The following CACNA1E variants were observed in gnomAD, a reference collection of about 807,000 sequenced individuals.
The protein encoded by CACNA1E is calcium voltage-gated channel subunit alpha1 E.
A neutral mutation model predicts 259.2 loss-of-function variants in CACNA1E; 40 were observed. The ratio of observed to expected loss-of-function variants is 0.15; its 90% CI spans 0.12 to 0.20. The LOEUF (loss-of-function observed/expected upper bound fraction) is 0.20. Ranked by LOEUF, CACNA1E falls within the 10% of genes least tolerant of loss-of-function variation. The pLI is 1.00. For missense variants in CACNA1E, 1,874 were observed against 3,040.1 expected, an observed-to-expected ratio of 0.62 and a Z score of 9.02; for synonymous variants, 1,104 against 1,138.5, an observed-to-expected ratio of 0.97 and a Z score of 0.61.
At chr1:181,475,219 T>C (rs1194173570) in intron 2 of CACNA1E, among the ~76,000 whole-genome samples, 3 of 152,222 alleles carry the variant, frequency 2.0e-5, no homozygotes, top group South Asian at 4.1e-4. Flanking sequence ...GCAGGCACTC[T>C]AGGTAAAAGA....
intron 7 of CACNA1E, among the ~76,000 whole-genome samples, chr1:181,657,477 G>A (rs938609248): frequency 1.3e-5 from 2 of 152,162 alleles, no homozygotes; most frequent in Non-Finnish European, 1.5e-5. Flanking sequence ...AAATTCAGGG[G>A]TTAGGAGAGG....
At chr1:181,657,953 C>G (rs1314923689) in intron 7 of CACNA1E, among the ~76,000 whole-genome samples, 1 of 152,224 alleles carries the variant, frequency 6.6e-6, no homozygotes, top group Admixed American at 6.5e-5. Context: ...CCAATGTGCA[C>G]CTTCCATAAC....
chr1:181,757,743 G>C (rs1658210937), intron 30 of CACNA1E, among the ~76,000 whole-genome samples: 1 of 152,088 alleles, frequency 6.6e-6, no homozygotes, highest in African/African-American at 2.4e-5. Flanking sequence ...CCTACTCCAT[G>C]TGGCAACACC....
chr1:181,535,776 C>T (rs1395035731), intron 3 of CACNA1E, among the ~76,000 whole-genome samples: 1 of 151,992 alleles, frequency 6.6e-6, no homozygotes, highest in African/African-American at 2.4e-5. Context: ...CAACCTCTGC[C>T]TCCCGGGTTC....
At chr1:181,756,642 T>C (rs1044392640) in intron 29 of CACNA1E, among the ~76,000 whole-genome samples, 1 of 152,192 alleles carries the variant, frequency 6.6e-6, no homozygotes, top group African/African-American at 2.4e-5. Flanking sequence ...AGCAAAATGT[T>C]AAATGGGAAT....
chr1:181,389,416 C>A (rs868775644), intron 1 of CACNA1E, among the ~76,000 whole-genome samples: 1 of 151,888 alleles, frequency 6.6e-6, no homozygotes, highest in Non-Finnish European at 1.5e-5. Flanking sequence ...TTTTTCACAC[C>A]CTGCATAGGT....
chr1:181,520,865 A>G (rs1666949693), intron 3 of CACNA1E, among the ~76,000 whole-genome samples: 1 of 152,094 alleles, frequency 6.6e-6, no homozygotes, highest in Admixed American at 6.5e-5. Flanking sequence ...TTTGTCTTCT[A>G]TCCTCCCCAC....
In CACNA1E at chr1:181,739,311, T is replaced by C. The variant is rs1009674883; in HGVS notation, c.3719+58T>C. ...CTTCCCCTCTTCCTGGAGACTCCAGTTGATTTGAAGCCCTTTCCAGAAATG... is the reference window on the plus strand; with the variant it reads ...CTTCCCCTCTTCCTGGAGACTCCAGCTGATTTGAAGCCCTTTCCAGAAATG... On this transcript the variant is annotated intron_variant, in intron 25 of 47. Transcript: ENST00000367573. 1.0e-5 allele frequency: 12 copies of C among 1,158,746 alleles called. No individual in the cohort carries two copies. The East Asian group carries it at 2.1e-4, about 20-fold the overall frequency. 71.8% of individuals were successfully genotyped at this position (1,158,746 alleles called of 1,614,324 possible). A position where few individuals can be genotyped will look rare whatever the true frequency, so the allele number is the denominator to read the frequency against.
At chr1:181,775,396 C>G (rs940584986) in intron 37 of CACNA1E, among the ~76,000 whole-genome samples, 2 of 152,212 alleles carry the variant, frequency 1.3e-5, no homozygotes, top group South Asian at 4.1e-4. Flanking sequence ...CTGGTCTGTG[C>G]TGTCGTCCTG....
Position 181,787,142 on chromosome 1 carries a change from C to T in CACNA1E, c.5786+1323C>T, listed in dbSNP as rs572866951. 8.6e-4 allele frequency among the ~76,000 whole-genome samples: 130 copies of T among 152,036 alleles called. 2 individuals are homozygous for T. The South Asian group carries it at 0.021, about 25-fold the overall frequency. ...TTTTTGTTTGTTTGTTTTTTTGAGA[C>T]GGAGTCTCGCTCTGTTGCCCAGGCT... On this transcript the variant is annotated intron_variant, in intron 43 of 47. Coordinates refer to ENST00000367573, the MANE Select transcript of CACNA1E (RefSeq NM_001205293.3).
rs1490929546 is a variant in CACNA1E, at chr1:181,802,467, G to A, written c.*3633G>A. ...TAGAGCCTATGTGGTGAGCATGAGG[G>A]TCGTCTTCCCTCTGTTCTCCCATCC... On this transcript the variant is annotated 3_prime_UTR_variant, in exon 48 of 48. Coordinates refer to ENST00000367573, the MANE Select transcript of CACNA1E (RefSeq NM_001205293.3). 6.6e-6 allele frequency: 1 copy of A among 152,230 alleles called. No homozygotes were observed. The highest frequency in any genetic ancestry group is 1.5e-5 in the Non-Finnish European group (1 of 68,088). 9.4% of individuals were successfully genotyped at this position (152,230 alleles called of 1,614,324 possible).
At position 181,736,431 on chromosome 1, in the gene CACNA1E, A is replaced by G; in HGVS notation, c.3419A>G (p.Asn1140Ser). ...HSSMFIFSTTNPIRRACHYIV... is the reference protein window; with the variant it reads ...HSSMFIFSTTSPIRRACHYIV... ...TCAATGTTCATCTTCAGCACCACCA[A>G]CCCGTAAGCCACCCTCGCGTTGCTC... The change falls in exon 22 of 48, where the codon AAC (asparagine) becomes AGC (serine). Residue 1140 changes from asparagine (N) to serine (S), a missense_variant. Physicochemically the swap from Asn to Ser is conservative, Grantham distance 46. Coordinates refer to ENST00000367573, the MANE Select transcript of CACNA1E (RefSeq NM_001205293.3). 1 of 1,611,686 alleles carries G rather than the reference A, an allele frequency of 6.2e-7. No homozygotes were observed. Among genetic ancestry groups the G allele is most frequent in the Admixed American group, 1.7e-5 (1 of 59,790 alleles).
intron 6 of CACNA1E, among the ~76,000 whole-genome samples, chr1:181,584,653 T>C (rs949768492): frequency 2.6e-5 from 4 of 152,228 alleles, no homozygotes; most frequent in African/African-American, 9.6e-5. Flanking sequence ...TCGCAGTTGA[T>C]GAAAAACTAC....
At chr1:181,390,162 A>G (rs1656153262) in intron 1 of CACNA1E, among the ~76,000 whole-genome samples, 1 of 152,182 alleles carries the variant, frequency 6.6e-6, no homozygotes, top group Non-Finnish European at 1.5e-5. Flanking sequence ...TCAGAAGAGC[A>G]AAGTGGGAGG....
At chr1:181,397,935 A>G (rs1656811752) in intron 1 of CACNA1E, among the ~76,000 whole-genome samples, 2 of 152,242 alleles carry the variant, frequency 1.3e-5, no homozygotes, top group African/African-American at 4.8e-5. Context: ...GCTGGTGGCC[A>G]TCGCCTTTTT....
intron 1 of CACNA1E, among the ~76,000 whole-genome samples, chr1:181,489,309 C>T (rs1199851457): frequency 6.6e-6 from 1 of 152,176 alleles, no homozygotes; most frequent in Non-Finnish European, 1.5e-5. Flanking sequence ...TTCTCCCTCT[C>T]TCATTTTTAG....
intron 7 of CACNA1E, 92 bp from the exon 8 acceptor site, chr1:181,710,862 G>T (rs1175417663): frequency 3.4e-6 from 3 of 894,568 alleles, no homozygotes; most frequent in Middle Eastern, 2.2e-4. Flanking sequence ...AGAGGTACTT[G>T]CTCAGATGCT....
intron 35 of CACNA1E, among the ~76,000 whole-genome samples, chr1:181,769,545 G>T (rs1659316460): frequency 6.6e-6 from 1 of 151,462 alleles, no homozygotes; most frequent in Non-Finnish European, 1.5e-5. Flanking sequence ...CAAAGTGCTG[G>T]GATTACAGGT....
intron 47 of CACNA1E, among the ~76,000 whole-genome samples, chr1:181,797,762 G>A (rs1315436445): frequency 1.3e-5 from 2 of 152,222 alleles, no homozygotes. Flanking sequence ...TATGGCCTGA[G>A]CCAACAACTG....
Sources: gnomAD v4.1 joint callset for allele counts (sites outside exome capture counted in the v4.1 genomes callset) on GRCh38, gnomAD v4.1.1 for gene constraint, MANE v1.5 for transcripts, NCBI Gene and HGNC (gene_info 2026-07-23, HGNC 2026-07-21) for gene names.